GLDN: variants seen among roughly 807,000 people sequenced by gnomAD.
The protein encoded by GLDN is gliomedin.
Under a neutral mutation model 56.5 loss-of-function variants are expected in GLDN, and 47 were observed. The observed-to-expected ratio is 0.83, with a 90% CI of 0.66 to 1.06. GLDN has a LOEUF of 1.06. GLDN is among the 50% of genes least tolerant of loss of function. The pLI is 0.00. For missense variants in GLDN, 782 were observed against 714.3 expected (o/e 1.09, Z -1.08); for synonymous variants, 332 against 278.8 (o/e 1.19, Z -1.90).
chr15:51,370,669 C>A (rs2037497875), intron 1 of GLDN, among the ~76,000 whole-genome samples: 1 of 152,010 alleles, frequency 6.6e-6, no homozygotes, highest in African/African-American at 2.4e-5. Flanking sequence ...TTCCAACATA[C>A]CTTTACAACC....
At chr15:51,402,187 G>A (rs1177408021) in intron 9 of GLDN, among the ~76,000 whole-genome samples, 2 of 152,212 alleles carry the variant, frequency 1.3e-5, no homozygotes, top group Admixed American at 6.5e-5. Context: ...CTAGTCAAGC[G>A]TCTCTGCCTT....
chr15:51,408,464 T>C (rs925321581), downstream of GLDN, among the ~76,000 whole-genome samples: 1 of 152,234 alleles, frequency 6.6e-6, no homozygotes, highest in Non-Finnish European at 1.5e-5. Flanking sequence ...CTGATAATTA[T>C]ACAGTTTTTG....
Position 51,351,093 on chromosome 15 carries a change from A to G in GLDN, c.363+9046A>G, listed in dbSNP as rs1197746445. On this transcript the variant is annotated intron_variant, in intron 1 of 9. Coordinates refer to ENST00000335449, the MANE Select transcript of GLDN (RefSeq NM_181789.4). Reference sequence around the variant, plus strand: ...TTTTGTCTTCATAATAAAACAAAAGATGACACTTAAAATGAGATATCTTGG... The same window carrying G: ...TTTTGTCTTCATAATAAAACAAAAGGTGACACTTAAAATGAGATATCTTGG... 2.9e-5 allele frequency: 8 copies of G among 272,762 alleles called. No homozygotes were observed. In the East Asian group the frequency reaches 7.4e-4, roughly 25 times the overall value. 16.9% of individuals were successfully genotyped at this position (272,762 alleles called of 1,614,324 possible). A position where few individuals can be genotyped will look rare whatever the true frequency, so the allele number is the denominator to read the frequency against.
chr15:51,349,230 A>G (rs575172534), intron 1 of GLDN, among the ~76,000 whole-genome samples: 3 of 152,374 alleles, frequency 2.0e-5, no homozygotes, highest in East Asian at 3.9e-4. Context: ...GAGAAAAAAA[A>G]TCACATTACC....
At chr15:51,362,427 G>A (rs2037317745) in intron 1 of GLDN, among the ~76,000 whole-genome samples, 1 of 150,778 alleles carries the variant, frequency 6.6e-6, no homozygotes. Flanking sequence ...AGACGTTGCA[G>A]TGAGCTGAGA....
chr15:51,361,330 A>C (rs142145033), intron 1 of GLDN, among the ~76,000 whole-genome samples: 5 of 152,120 alleles, frequency 3.3e-5, no homozygotes, highest in Admixed American at 3.3e-4. Context: ...GTTTTTTGCT[A>C]TGCCTCTACT....
chr15:51,355,713 C>A (rs2445775), intron 1 of GLDN, among the ~76,000 whole-genome samples: 207 of 147,858 alleles, frequency 1.4e-3, no homozygotes, highest in Non-Finnish European at 2.2e-3. Flanking sequence ...TTAGTAGAGA[C>A]GGGGTTTCAC....
intron 1 of GLDN, among the ~76,000 whole-genome samples, chr15:51,374,850 A>G (rs1222869971): frequency 7.0e-6 from 1 of 143,814 alleles, no homozygotes; most frequent in Non-Finnish European, 1.5e-5. Flanking sequence ...CAATCCTCCC[A>G]CCTCAGCCTC....
intron 3 of GLDN, 34 bp downstream of exon 3, chr15:51,383,487 G>C: frequency 6.2e-7 from 1 of 1,612,308 alleles, no homozygotes; most frequent in African/African-American, 1.3e-5. Context: ...TTCAAGGGGA[G>C]GCTGTGGGTG....
chr15:51,358,308 T>C (rs1026163511), intron 1 of GLDN, among the ~76,000 whole-genome samples: 3 of 152,214 alleles, frequency 2.0e-5, no homozygotes, highest in Non-Finnish European at 4.4e-5. Context: ...CTAAAACTGT[T>C]GTGCTTCAGT....
chr15:51,394,552 G>T (rs1164005668), intron 4 of GLDN, among the ~76,000 whole-genome samples: 2 of 152,164 alleles, frequency 1.3e-5, no homozygotes. Context: ...GGCAGAGGTT[G>T]CAGTGAGCCG....
chr15:51,353,127 G>A (rs1437326037), intron 1 of GLDN, among the ~76,000 whole-genome samples: 2 of 152,130 alleles, frequency 1.3e-5, no homozygotes, highest in African/African-American at 4.8e-5. Context: ...CCAATAAACT[G>A]GTTCATCTGT....
chr15:51,363,859 G>A (rs1448652270), intron 1 of GLDN, among the ~76,000 whole-genome samples: 1 of 152,118 alleles, frequency 6.6e-6, no homozygotes, highest in African/African-American at 2.4e-5. Flanking sequence ...AAAATTATTT[G>A]GACTATAGAA....
downstream of GLDN, among the ~76,000 whole-genome samples, chr15:51,411,289 C>G (rs2038462759): frequency 6.6e-6 from 1 of 152,220 alleles, no homozygotes; most frequent in Non-Finnish European, 1.5e-5. Context: ...GGATCAGACC[C>G]TGTACTTAAA....
chr15:51,407,436 T>C lies in GLDN; in HGVS notation c.*2682T>C, dbSNP rs2038408247. On this transcript the variant is annotated 3_prime_UTR_variant, in exon 10 of 10. Transcript: ENST00000335449. ...GTTGCTCTAAAACACTTTCCAAATA[T>C]CTGCACTTCTGATGTCAGAATCAAA... 1 of 152,226 alleles carries C rather than the reference T, an allele frequency of 6.6e-6. No homozygotes were observed. The highest frequency in any genetic ancestry group is 2.4e-5 in the African/African-American group (1 of 41,456). 9.4% of individuals were successfully genotyped at this position (152,226 alleles called of 1,614,324 possible).
intron 9 of GLDN, 69 bp downstream of exon 9, chr15:51,401,812 A>T: frequency 7.1e-7 from 1 of 1,417,436 alleles, no homozygotes; most frequent in Non-Finnish European, 9.7e-7. Context: ...TTTGTGAGCA[A>T]TTAGGGGTAG....
intron 1 of GLDN, among the ~76,000 whole-genome samples, chr15:51,353,242 C>CTAT (rs1241839466): frequency 8.5e-4 from 129 of 152,288 alleles, no homozygotes; most frequent in African/African-American, 3.0e-3. Context: ...TTCCTAGCCC[C>CTAT]CTCTGCCTGC....
chr15:51,390,816 A>G (rs1399299131), intron 4 of GLDN, among the ~76,000 whole-genome samples: 2 of 152,168 alleles, frequency 1.3e-5, no homozygotes, highest in Non-Finnish European at 2.9e-5. Flanking sequence ...CACAAGTTAC[A>G]CAGGCAGAGT....
intron 1 of GLDN, among the ~76,000 whole-genome samples, chr15:51,362,492 A>C (rs1363235278): frequency 8.6e-6 from 1 of 116,954 alleles, no homozygotes; most frequent in South Asian, 2.6e-4. Context: ...CTTAAAAAAA[A>C]AAAAAAAAAA....
Sources: gnomAD v4.1 joint callset for allele counts (sites outside exome capture counted in the v4.1 genomes callset) on GRCh38, gnomAD v4.1.1 for gene constraint, MANE v1.5 for transcripts, NCBI Gene and HGNC (gene_info 2026-07-23, HGNC 2026-07-21) for gene names.